ARHGEF4: variants seen among roughly 807,000 people sequenced by gnomAD.
ARHGEF4 encodes APC-stimulated guanine nucleotide exchange factor 1.
A neutral mutation model predicts 162.0 loss-of-function variants in ARHGEF4; 119 were observed. The observed-to-expected ratio is 0.73, with a 90% CI of 0.63 to 0.86. The LOEUF (loss-of-function observed/expected upper bound fraction) is 0.86, where lower values mean the gene tolerates loss of function less well. ARHGEF4 is among the 40% of genes least tolerant of loss of function. The pLI is 0.00. For missense variants in ARHGEF4, 2,488 were observed against 2,456.0 expected, an observed-to-expected ratio of 1.01 and a Z score of -0.28; for synonymous variants, 1,014 against 979.9, an observed-to-expected ratio of 1.03 and a Z score of -0.65.
At chr2:131,029,083 G>A (rs1459720728) in intron 5 of ARHGEF4, among the ~76,000 whole-genome samples, 1 of 151,868 alleles carries the variant, frequency 6.6e-6, no homozygotes, top group Non-Finnish European at 1.5e-5. Context: ...CATTAAGGGC[G>A]GGCATGGTGG....
intron 1 of ARHGEF4, among the ~76,000 whole-genome samples, chr2:130,913,122 G>T (rs574699700): frequency 6.6e-6 from 1 of 152,114 alleles, no homozygotes; most frequent in Admixed American, 6.5e-5. Flanking sequence ...TGTGGATAAG[G>T]GTGGCTACTG....
intron 1 of ARHGEF4, among the ~76,000 whole-genome samples, chr2:130,907,408 C>CG (rs1680894242): frequency 6.6e-6 from 1 of 151,292 alleles, no homozygotes; most frequent in Non-Finnish European, 1.5e-5. Context: ...TTAGTAGAGA[C>CG]GGGTTTCACC....
chr2:130,849,292 G>A (rs1018352583), intron 1 of ARHGEF4, among the ~76,000 whole-genome samples: 2 of 152,252 alleles, frequency 1.3e-5, no homozygotes, highest in African/African-American at 4.8e-5. Context: ...CATGCCAGGG[G>A]GCAGAGAGAT....
intron 4 of ARHGEF4, among the ~76,000 whole-genome samples, chr2:130,952,514 G>T (rs940834195): frequency 5.9e-5 from 9 of 152,174 alleles, no homozygotes; most frequent in African/African-American, 2.2e-4. Context: ...AGATAGGGAT[G>T]CCCTATCTCG....
At chr2:130,987,023 G>A (rs947577015) in intron 4 of ARHGEF4, among the ~76,000 whole-genome samples, 1 of 152,202 alleles carries the variant, frequency 6.6e-6, no homozygotes, top group African/African-American at 2.4e-5. Flanking sequence ...GCATCCCCCC[G>A]TGGTCCTGCA....
chr2:130,995,994 A>G (rs1313001769), intron 4 of ARHGEF4, among the ~76,000 whole-genome samples: 2 of 151,532 alleles, frequency 1.3e-5, no homozygotes, highest in Admixed American at 6.6e-5. Context: ...GGTTCAAGCA[A>G]TTCTCCTGCC....
chr2:131,015,664 A>T (rs2105341926), intron 4 of ARHGEF4, among the ~76,000 whole-genome samples: 1 of 152,366 alleles, frequency 6.6e-6, no homozygotes, highest in African/African-American at 2.4e-5. Context: ...CCAAGGGCGG[A>T]TCACCTGAGG....
chr2:131,035,166 C>G, intron 5 of ARHGEF4: 1 of 1,219,032 alleles, frequency 8.2e-7, no homozygotes, highest in African/African-American at 1.6e-5. Flanking sequence ...TGCGCTGCAA[C>G]CTGCCCCCCG....
intron 4 of ARHGEF4, among the ~76,000 whole-genome samples, chr2:130,993,196 T>C (rs1310646220): frequency 6.6e-6 from 1 of 152,244 alleles, no homozygotes; most frequent in East Asian, 1.9e-4. Context: ...TTTTTAATCA[T>C]TTTAATTATC....
rs529358627 is a variant in ARHGEF4 at position 130,993,103 on chromosome 2, A to G, written c.3986-34842A>G. 3.9e-5 allele frequency among the ~76,000 whole-genome samples: 6 copies of G among 152,272 alleles called. No individual in the cohort carries two copies. In the South Asian group the frequency reaches 1.2e-3, roughly 32 times the overall value. ...TTCAAAAACAAAACAAAACAAAAATAGACATCAAGGCTGCTCTCTTTTCCA... is the reference window on the plus strand; with the variant it reads ...TTCAAAAACAAAACAAAACAAAAATGGACATCAAGGCTGCTCTCTTTTCCA... On this transcript the variant is annotated intron_variant, in intron 4 of 13. Coordinates refer to ENST00000409359, the MANE Select transcript of ARHGEF4 (RefSeq NM_001367493.1).
intron 1 of ARHGEF4, among the ~76,000 whole-genome samples, chr2:130,875,690 G>C (rs565612218): frequency 6.6e-6 from 1 of 152,286 alleles, no homozygotes; most frequent in South Asian, 2.1e-4. Flanking sequence ...ACACTGCCAT[G>C]CTGGGGATCA....
intron 4 of ARHGEF4, among the ~76,000 whole-genome samples, chr2:131,005,707 C>T (rs1475507496): frequency 2.6e-5 from 4 of 152,122 alleles, no homozygotes; most frequent in Non-Finnish European, 4.4e-5. Flanking sequence ...CGGGAGTGCC[C>T]AGCGCCCCAG....
At chr2:130,922,957 G>A in intron 2 of ARHGEF4, among the ~76,000 whole-genome samples, 1 of 150,944 alleles carries the variant, frequency 6.6e-6, no homozygotes, top group Middle Eastern at 3.2e-3. Flanking sequence ...TTGAGATGGA[G>A]TCTTGCTCCG....
At chr2:130,884,019 A>G (rs1372388821) in intron 1 of ARHGEF4, among the ~76,000 whole-genome samples, 1 of 152,126 alleles carries the variant, frequency 6.6e-6, no homozygotes, top group Non-Finnish European at 1.5e-5. Context: ...CACCAACATC[A>G]TCGTCAACAT....
intron 1 of ARHGEF4, among the ~76,000 whole-genome samples, chr2:130,900,199 T>C (rs1680405350): frequency 6.6e-6 from 1 of 152,240 alleles, no homozygotes; most frequent in Non-Finnish European, 1.5e-5. Flanking sequence ...TCTGCTGATG[T>C]TGAGTGGGCT....
At position 130,962,620 on chromosome 2, in the gene ARHGEF4, G is replaced by A. The variant is rs989416290; in HGVS notation, c.3985+15985G>A. On this transcript the variant is annotated intron_variant, in intron 4 of 13. Coordinates refer to ENST00000409359, the MANE Select transcript of ARHGEF4 (RefSeq NM_001367493.1). ...AGCTTCCGGATGGAGATGGGCCACA[G>A]GAAATGGACCCCAGTGGAGGGCAGG... Among the ~76,000 whole-genome samples, 3 of 152,276 alleles carry A rather than the reference G, an allele frequency of 2.0e-5. No homozygotes were observed. In the East Asian group the frequency reaches 5.8e-4, roughly 29 times the overall value.
chr2:130,946,582 G>GTGGA lies in ARHGEF4; in HGVS notation c.3934_3935insGATG (p.Ala1312GlyfsTer22). Reference sequence around the variant, plus strand: ...AGAAGAAGCCATCCACTCTCCCAGAGTGCTCCAACGGGACTGAACCACATG... The same window carrying GTGGA: ...AGAAGAAGCCATCCACTCTCCCAGAGTGGATGCTCCAACGGGACTGAACCACATG... On this transcript the variant is annotated frameshift_variant, in exon 4 of 14. Transcript: ENST00000409359. LOFTEE classifies it high-confidence loss of function. 1 of 1,614,112 alleles carries GTGGA rather than the reference G, an allele frequency of 6.2e-7. No homozygotes were observed. Among genetic ancestry groups the GTGGA allele is most frequent in the Non-Finnish European group, 8.5e-7 (1 of 1,179,982 alleles).
At chr2:131,019,978 G>A (rs1558860471) in intron 4 of ARHGEF4, among the ~76,000 whole-genome samples, 1 of 152,172 alleles carries the variant, frequency 6.6e-6, no homozygotes, top group African/African-American at 2.4e-5. Flanking sequence ...ATTTTCAAAA[G>A]TTTCCTTTTC....
At chr2:131,028,571 T>C (rs1558871815) in intron 5 of ARHGEF4, among the ~76,000 whole-genome samples, 1 of 152,262 alleles carries the variant, frequency 6.6e-6, no homozygotes, top group Non-Finnish European at 1.5e-5. Context: ...GTGTTTTTGC[T>C]ATTCCTACTG....
Sources: gnomAD v4.1 joint callset for allele counts (sites outside exome capture counted in the v4.1 genomes callset) on GRCh38, gnomAD v4.1.1 for gene constraint, MANE v1.5 for transcripts, NCBI Gene and HGNC (gene_info 2026-07-23, HGNC 2026-07-21) for gene names.